NFKB1: variants seen among roughly 807,000 people sequenced by gnomAD.
NFKB1 encodes nuclear factor kappa B subunit 1, also known as nuclear factor NF-kappa-B p105 subunit.
NFKB1 carries 9 observed loss-of-function variants against 105.1 expected under a neutral mutation model. The observed-to-expected ratio is 0.09, with a 90% CI of 0.05 to 0.15. The LOEUF is 0.15. Among genes scored for constraint, NFKB1 ranks in the 10% least tolerant of loss-of-function variants. NFKB1 has a pLI of 1.00. For missense variants in NFKB1, 830 were observed against 1,203.7 expected (o/e 0.69, Z 4.59); for synonymous variants, 440 against 442.2 (o/e 1.00, Z 0.06).
chr4:102,513,825 T>C (rs2149100581), intron 1 of NFKB1, among the ~76,000 whole-genome samples: 1 of 152,276 alleles, frequency 6.6e-6, no homozygotes, highest in South Asian at 2.1e-4. Context: ...GAGACTTACT[T>C]TATGGCTCGG....
At chr4:102,553,256 A>G (rs1205349953) in intron 5 of NFKB1, among the ~76,000 whole-genome samples, 3 of 152,170 alleles carry the variant, frequency 2.0e-5, no homozygotes, top group Non-Finnish European at 4.4e-5. Context: ...TTGCTTCTCT[A>G]GCCAGTGGGT....
Position 102,612,431 on chromosome 4 carries a change from C to T in NFKB1, c.2420-3C>T. 2 of 1,611,614 alleles carry T rather than the reference C, an allele frequency of 1.2e-6. No individual in the cohort carries two copies. Among genetic ancestry groups the T allele is most frequent in the Non-Finnish European group, 1.7e-6 (2 of 1,179,646 alleles). ...AAGTGTGTTCCTTCTTCATTTCCTT[C>T]AGGAGACATGAAACAGCTGGCTGAA... On this transcript the variant is annotated splice_region_variant and splice_polypyrimidine_tract_variant and intron_variant, in intron 21 of 23. Transcript: ENST00000226574.
intron 8 of NFKB1, among the ~76,000 whole-genome samples, chr4:102,579,646 A>T (rs550874690): frequency 0.016 from 2,016 of 124,094 alleles, 23 homozygotes; most frequent in African/African-American, 0.022. Flanking sequence ...CAAAAAAAAA[A>T]ATATATATAT....
At chr4:102,506,322 T>C (rs777433495) in intron 1 of NFKB1, among the ~76,000 whole-genome samples, 2 of 152,212 alleles carry the variant, frequency 1.3e-5, no homozygotes, top group African/African-American at 2.4e-5. Flanking sequence ...TGTTAACACT[T>C]ATCTAAATTA....
chr4:102,569,658 A>G (rs1378700174), intron 6 of NFKB1, among the ~76,000 whole-genome samples: 5 of 152,270 alleles, frequency 3.3e-5, no homozygotes, highest in African/African-American at 4.8e-5. Flanking sequence ...AAAAATGGCA[A>G]TGAGAAGACA....
At position 102,613,530 on chromosome 4, in the gene NFKB1, T is replaced by G; in HGVS notation, c.2698T>G (p.Ser900Ala). The G allele has an allele frequency of 6.2e-7, 1 of 1,613,758 alleles. No individual in the cohort carries two copies. Among genetic ancestry groups the G allele is most frequent in the Non-Finnish European group, 8.5e-7 (1 of 1,179,956 alleles). The stretch of plus-strand genomic sequence containing the variant: ...AGCCTCCAGCCCAGTGAAGACCACC[T>G]CTCAGGCCCACTCGCTGCCTCTCTC... The part of the protein sequence containing the change: ...QAASSPVKTT[S>A]QAHSLPLSPA... Residue 900 changes from serine (S) to alanine (A), a missense_variant, in exon 23 of 24, where the codon TCT (serine) becomes GCT (alanine). By Grantham distance (99) the Ser-to-Ala change is moderately conservative (BLOSUM62 1). This residue lies in a region of NFKB1 where 418 missense variants were observed against 575.3 expected (regional missense o/e 0.73). Transcript: ENST00000226574.
rs374893328 is a variant in NFKB1 at position 102,612,338 on chromosome 4, C to T, written c.2420-96C>T. ...AAGTAGAGTAGCTTGGTTGGTTCCA[C>T]TGGGAGTTGGACAGCAAGCCAGGCA... On this transcript the variant is annotated intron_variant, in intron 21 of 23. Coordinates refer to ENST00000226574, the MANE Select transcript of NFKB1 (RefSeq NM_003998.4). 3.9e-4 allele frequency: 523 copies of T among 1,339,546 alleles called. 11 individuals are homozygous for T. The South Asian group carries it at 6.5e-3, about 17-fold the overall frequency. The allele number at this position is 1,339,546 out of a possible 1,614,324, so 83.0% of individuals were successfully genotyped here.
intron 11 of NFKB1, among the ~76,000 whole-genome samples, chr4:102,587,998 C>T (rs1277740295): frequency 1.3e-5 from 2 of 152,066 alleles, no homozygotes; most frequent in Non-Finnish European, 2.9e-5. Context: ...GTAGTCATTC[C>T]CTATCTCATT....
intron 1 of NFKB1, among the ~76,000 whole-genome samples, chr4:102,524,948 C>T (rs962018515): frequency 1.3e-5 from 2 of 152,148 alleles, no homozygotes; most frequent in Non-Finnish European, 2.9e-5. Context: ...TTTTGTGCTG[C>T]GTTATCCATA....
chr4:102,586,578 A>G (rs542165466), intron 11 of NFKB1, among the ~76,000 whole-genome samples: 25 of 152,182 alleles, frequency 1.6e-4, no homozygotes, highest in Non-Finnish European at 3.2e-4. Flanking sequence ...CTGACCCCCA[A>G]AGAGTCTGTG....
rs2149190208 is a variant in NFKB1, at chr4:102,582,962, G to A, written c.927+5G>A. ...CCCACAGATGTTCATAGACAAGTAA[G>A]TGATTTATTATTATTATTAATCCTT... On this transcript the variant is annotated splice_donor_5th_base_variant and intron_variant, in intron 10 of 23. Transcript: ENST00000226574. 9 of 1,578,304 alleles carry A rather than the reference G, an allele frequency of 5.7e-6. No individual in the cohort carries two copies. Among genetic ancestry groups the A allele is most frequent in the Non-Finnish European group, 7.0e-6 (8 of 1,148,956 alleles).
intron 5 of NFKB1, among the ~76,000 whole-genome samples, chr4:102,539,784 T>C (rs969160914): frequency 6.6e-6 from 1 of 152,220 alleles, no homozygotes; most frequent in African/African-American, 2.4e-5. Context: ...CTAGTGGCTC[T>C]ATATCCTGCA....
intron 5 of NFKB1, among the ~76,000 whole-genome samples, chr4:102,543,770 C>T (rs554029404): frequency 1.3e-5 from 2 of 152,172 alleles, no homozygotes; most frequent in South Asian, 2.1e-4. Flanking sequence ...GTCTGATTCA[C>T]GTGGTTTGGA....
intron 5 of NFKB1, among the ~76,000 whole-genome samples, chr4:102,554,231 C>T (rs1404311024): frequency 6.6e-6 from 1 of 152,128 alleles, no homozygotes; most frequent in East Asian, 1.9e-4. Context: ...CCACCTACTG[C>T]AGCACTAAAA....
chr4:102,575,236 C>G (rs1724720528), intron 6 of NFKB1, among the ~76,000 whole-genome samples: 1 of 152,160 alleles, frequency 6.6e-6, no homozygotes. Flanking sequence ...GGTATATTTT[C>G]TGTTCTGTGT....
intron 8 of NFKB1, among the ~76,000 whole-genome samples, 195 bp downstream of exon 8, chr4:102,579,234 G>A (rs1308172643): frequency 6.6e-6 from 1 of 152,114 alleles, no homozygotes; most frequent in African/African-American, 2.4e-5. Flanking sequence ...TTTAAGAGGG[G>A]CTCAATACAT....
intron 16 of NFKB1, among the ~76,000 whole-genome samples, chr4:102,602,367 A>G (rs1467061473): frequency 1.3e-5 from 2 of 150,522 alleles, no homozygotes; most frequent in South Asian, 2.1e-4. Context: ...CGTCTCTACT[A>G]GAAATACAAA....
Position 102,616,863 on chromosome 4 carries a change from AGCT to A in NFKB1, c.*277_*279del, listed in dbSNP as rs922604675. ...ATGAGGTTGCTTACTAAGCTTTGCC[AGCT>A]GCTGCTGGATCACAGCTGCTTTCTG... On this transcript the variant is annotated 3_prime_UTR_variant, in exon 24 of 24. Transcript: ENST00000226574. 8 of 312,506 alleles carry A rather than the reference AGCT, an allele frequency of 2.6e-5. No individual in the cohort carries two copies. The highest frequency in any genetic ancestry group is 1.7e-4 in the African/African-American group (8 of 47,660). The allele number at this position is 312,506 out of a possible 1,614,324, so 19.4% of individuals were successfully genotyped here. A position where few individuals can be genotyped will look rare whatever the true frequency, so the allele number is the denominator to read the frequency against.
chr4:102,551,915 A>G (rs1271853910), intron 5 of NFKB1, among the ~76,000 whole-genome samples: 1 of 152,240 alleles, frequency 6.6e-6, no homozygotes, highest in African/African-American at 2.4e-5. Context: ...AAAACAAATT[A>G]CAAGTACAGA....
Sources: allele counts gnomAD v4.1 joint callset (sites outside exome capture counted in the v4.1 genomes callset), GRCh38; gene constraint gnomAD v4.1.1; regional missense constraint gnomAD v4.1.1; transcripts MANE v1.5; gene names NCBI Gene and HGNC (gene_info 2026-07-23, HGNC 2026-07-21).